RAP1A: variants seen among roughly 807,000 people sequenced by gnomAD.
The protein encoded by RAP1A is RAP1A, member of RAS oncogene family.
Under a neutral mutation model 26.4 loss-of-function variants are expected in RAP1A, and 6 were observed. The observed-to-expected ratio is 0.23, with a 90% CI of 0.12 to 0.45. RAP1A has a LOEUF of 0.45. Ranked by LOEUF, RAP1A falls within the 20% of genes least tolerant of loss-of-function variation. The pLI is 0.99. For synonymous variants in RAP1A, 73 were observed against 79.4 expected, an observed-to-expected ratio of 0.92 and a Z score of 0.43; for missense variants, 121 against 217.2, an observed-to-expected ratio of 0.56 and a Z score of 2.78.
At chr1:111,578,228 G>T (rs928753286) in intron 1 of RAP1A, among the ~76,000 whole-genome samples, 1 of 152,080 alleles carries the variant, frequency 6.6e-6, no homozygotes, top group Non-Finnish European at 1.5e-5. Context: ...GTGGGCATGG[G>T]TCACCAAGAA....
chr1:111,694,255 A>G (rs1661763518), intron 2 of RAP1A, among the ~76,000 whole-genome samples: 1 of 152,218 alleles, frequency 6.6e-6, no homozygotes, highest in African/African-American at 2.4e-5. Context: ...CTTGATAAAA[A>G]TCATGATTAA....
chr1:111,644,180 G>T (rs557707560), intron 1 of RAP1A, among the ~76,000 whole-genome samples: 3 of 151,304 alleles, frequency 2.0e-5, no homozygotes, highest in African/African-American at 7.3e-5. Context: ...ACCGTTACAT[G>T]GTTCAATATA....
At chr1:111,607,869 A>C (rs1246058519) in intron 1 of RAP1A, among the ~76,000 whole-genome samples, 4 of 50,888 alleles carry the variant, frequency 7.9e-5, no homozygotes, top group East Asian at 4.4e-4. Context: ...GCGGGGCCTG[A>C]CCCCCCCCAC....
rs1662434996 is a variant in RAP1A, at chr1:111,713,124, T to C, written c.*723T>C. ...TTTTAGTACATTTTCATTTGGTTTG[T>C]GTGTTTTTGTTATTGTTTATAGATT... On this transcript the variant is annotated 3_prime_UTR_variant, in exon 8 of 8. Coordinates refer to ENST00000369709, the MANE Select transcript of RAP1A (RefSeq NM_002884.4). The C allele has an allele frequency of 2.0e-5, 3 of 152,696 alleles. No homozygotes were observed. In the South Asian group the frequency reaches 6.2e-4, roughly 32 times the overall value. 9.5% of individuals were successfully genotyped at this position (152,696 alleles called of 1,614,324 possible).
At chr1:111,581,707 T>C (rs1039814549) in intron 1 of RAP1A, among the ~76,000 whole-genome samples, 2 of 152,224 alleles carry the variant, frequency 1.3e-5, no homozygotes, top group African/African-American at 4.8e-5. Flanking sequence ...AAAAATTGAA[T>C]ACTATGTAGG....
intron 1 of RAP1A, among the ~76,000 whole-genome samples, chr1:111,651,957 A>G (rs554940129): frequency 9.2e-5 from 14 of 151,432 alleles, no homozygotes; most frequent in African/African-American, 3.4e-4. Context: ...TTTGTGCAAA[A>G]AGTTTAGTTC....
intron 1 of RAP1A, among the ~76,000 whole-genome samples, chr1:111,626,961 A>G (rs1659419875): frequency 6.6e-6 from 1 of 152,224 alleles, no homozygotes; most frequent in Non-Finnish European, 1.5e-5. Context: ...GAAGCTGGAA[A>G]CAAGCTGCTG....
chr1:111,544,759 T>C (rs980099714), intron 1 of RAP1A, among the ~76,000 whole-genome samples: 3 of 151,556 alleles, frequency 2.0e-5, no homozygotes, highest in African/African-American at 7.3e-5. Context: ...ATTTCTTGGG[T>C]ATATCCAATT....
At chr1:111,613,360 C>T (rs552512355) in intron 1 of RAP1A, among the ~76,000 whole-genome samples, 6 of 152,164 alleles carry the variant, frequency 3.9e-5, no homozygotes, top group South Asian at 2.1e-4. Flanking sequence ...CCACCATGCC[C>T]GGCTAATGTT....
intron 2 of RAP1A, among the ~76,000 whole-genome samples, chr1:111,693,866 T>C (rs1410601105): frequency 6.6e-6 from 1 of 151,232 alleles, no homozygotes; most frequent in Admixed American, 6.6e-5. Flanking sequence ...TGCTCTAGCC[T>C]AAAGCATATT....
chr1:111,592,931 C>CA (rs1295399640), intron 1 of RAP1A, among the ~76,000 whole-genome samples: 3 of 152,136 alleles, frequency 2.0e-5, no homozygotes, highest in Admixed American at 6.6e-5. Context: ...ACAAATGAGT[C>CA]ACCACACTTC....
intron 1 of RAP1A, among the ~76,000 whole-genome samples, chr1:111,630,434 C>T (rs1475623295): frequency 6.6e-6 from 1 of 152,088 alleles, no homozygotes; most frequent in Admixed American, 6.5e-5. Flanking sequence ...ACAGATTTAG[C>T]AGTGAATAAG....
At chr1:111,617,138 C>T (rs1219188510), upstream of RAP1A, among the ~76,000 whole-genome samples, 1 of 152,154 alleles carries the variant, frequency 6.6e-6, no homozygotes, top group Non-Finnish European at 1.5e-5. Flanking sequence ...GTACCCCTTC[C>T]TCCAGGCTGA....
At chr1:111,627,333 T>C (rs987177137) in intron 1 of RAP1A, 2 of 152,292 alleles carry the variant, frequency 1.3e-5, no homozygotes, top group Middle Eastern at 6.8e-3. Context: ...TTTTTTTTCC[T>C]GAATGGGATG....
intron 1 of RAP1A, among the ~76,000 whole-genome samples, chr1:111,631,279 A>T (rs1659559744): frequency 6.6e-6 from 1 of 152,214 alleles, no homozygotes; most frequent in Non-Finnish European, 1.5e-5. Context: ...GATTAATAAG[A>T]TGTCATTGCA....
chr1:111,607,312 A>G (rs931717391), intron 1 of RAP1A, among the ~76,000 whole-genome samples: 25 of 152,218 alleles, frequency 1.6e-4, no homozygotes, highest in African/African-American at 5.8e-4. Flanking sequence ...GACACAGCAC[A>G]TGATTCAGAG....
At chr1:111,652,361 T>C (rs1334051428) in intron 1 of RAP1A, among the ~76,000 whole-genome samples, 6 of 152,230 alleles carry the variant, frequency 3.9e-5, no homozygotes, top group Admixed American at 2.6e-4. Context: ...TCAGCAAAGT[T>C]GACGTTGACA....
intron 1 of RAP1A, among the ~76,000 whole-genome samples, chr1:111,555,081 G>T (rs566257815): frequency 6.6e-6 from 1 of 152,024 alleles, no homozygotes; most frequent in East Asian, 1.9e-4. Flanking sequence ...AAATGATCAG[G>T]CAGGCGGGGC....
At chr1:111,650,057 A>AAT (rs1008765195) in intron 1 of RAP1A, among the ~76,000 whole-genome samples, 5 of 151,100 alleles carry the variant, frequency 3.3e-5, no homozygotes, top group Non-Finnish European at 7.4e-5. Context: ...TTCTTCTAAC[A>AAT]ATATATATAA....
Sources: gnomAD v4.1 joint callset for allele counts (sites outside exome capture counted in the v4.1 genomes callset) on GRCh38, gnomAD v4.1.1 for gene constraint, MANE v1.5 for transcripts, NCBI Gene and HGNC (gene_info 2026-07-23, HGNC 2026-07-21) for gene names.